MAD1L1: variants seen among roughly 807,000 people sequenced by gnomAD.
MAD1L1 encodes mitotic spindle assembly checkpoint protein MAD1.
A neutral mutation model predicts 96.9 loss-of-function variants in MAD1L1; 95 were observed. The observed-to-expected ratio is 0.98, with a 90% CI of 0.83 to 1.16. MAD1L1 has a LOEUF of 1.16. Ranked by LOEUF, MAD1L1 falls within the 50% of genes most tolerant of loss-of-function variation. MAD1L1 has a pLI of 0.00. For missense variants in MAD1L1, 1,007 were observed against 954.4 expected (o/e 1.06, Z -0.73); for synonymous variants, 473 against 396.6 (o/e 1.19, Z -2.29).
chr7:1,962,277 C>G (rs1779986542), intron 15 of MAD1L1, among the ~76,000 whole-genome samples: 1 of 152,234 alleles, frequency 6.6e-6, no homozygotes, highest in South Asian at 2.1e-4. Context: ...TTGTCTGCCA[C>G]CATGTAAGAT....
rs535530384 is a variant in MAD1L1, at chr7:1,962,642, A to C, written c.1506-4923T>G. 3.3e-5 allele frequency among the ~76,000 whole-genome samples: 5 copies of C among 152,348 alleles called. No individual in the cohort carries two copies. In the South Asian group the frequency reaches 1.0e-3, roughly 32 times the overall value. On this transcript the variant is annotated intron_variant, in intron 15 of 18. Transcript: ENST00000265854. ...TAATCAAATTTTAAAATGGACAAAA[A>C]AACAGGTGCTTTACCAAAGAAGATC... is the stretch of plus-strand genomic sequence containing the variant.
rs745513458 is a variant in MAD1L1 at position 2,069,381 on chromosome 7, T to C, written c.1074-43A>G. On this transcript the variant is annotated intron_variant, in intron 11 of 18. Transcript: ENST00000265854. Reference sequence around the variant, plus strand: ...GAGGGCAAAGCAATGAAGCCTGGGGTGACCACCCCACCAAGCCCCGCCCCA... The same window carrying C: ...GAGGGCAAAGCAATGAAGCCTGGGGCGACCACCCCACCAAGCCCCGCCCCA... 5 of 1,495,116 alleles carry C rather than the reference T, an allele frequency of 3.3e-6. No individual in the cohort carries two copies. In the East Asian group the frequency reaches 9.8e-5, roughly 29 times the overall value. The allele number at this position is 1,495,116 out of a possible 1,614,324, so 92.6% of individuals were successfully genotyped here. A position where few individuals can be genotyped will look rare whatever the true frequency, so the allele number is the denominator to read the frequency against.
At chr7:1,909,983 C>T (rs1787914400) in intron 17 of MAD1L1, among the ~76,000 whole-genome samples, 1 of 152,204 alleles carries the variant, frequency 6.6e-6, no homozygotes, top group South Asian at 2.1e-4. Flanking sequence ...CAGGGCACCT[C>T]TTGTGTGATT....
At chr7:2,098,851 C>T (rs1786634773) in intron 11 of MAD1L1, among the ~76,000 whole-genome samples, 1 of 152,198 alleles carries the variant, frequency 6.6e-6, no homozygotes, top group Non-Finnish European at 1.5e-5. Context: ...AATGGAGGAA[C>T]AGAAGGAAAG....
intron 12 of MAD1L1, among the ~76,000 whole-genome samples, chr7:2,027,838 C>T (rs1326098903): frequency 1.3e-5 from 2 of 152,186 alleles, no homozygotes; most frequent in African/African-American, 4.8e-5. Context: ...CTGTCCAAAG[C>T]AGCACTGGCT....
At chr7:2,200,987 G>A (rs1792263162) in intron 10 of MAD1L1, among the ~76,000 whole-genome samples, 1 of 152,156 alleles carries the variant, frequency 6.6e-6, no homozygotes, top group Non-Finnish European at 1.5e-5. Flanking sequence ...CGCAGGGTAG[G>A]TGGAGGGCGG....
chr7:2,161,172 T>A (rs1790098111), intron 10 of MAD1L1, among the ~76,000 whole-genome samples: 1 of 123,870 alleles, frequency 8.1e-6, no homozygotes, highest in South Asian at 2.9e-4. Flanking sequence ...GGCTGGACTG[T>A]ACTGCCGCCA....
In MAD1L1 at chr7:2,225,496, GCTCCA is replaced by G; in HGVS notation, c.200_204del (p.Val67AlafsTer31). The stretch of plus-strand genomic sequence containing the variant: ...CTCAGCTCCATCTGCATTTTCTCCC[GCTCCA>G]CCTGGATGAGGTGGGACTTCGAACG... On this transcript the variant is annotated frameshift_variant, in exon 4 of 19. Transcript: ENST00000265854. LOFTEE classifies it high-confidence loss of function. The G allele has an allele frequency of 6.2e-7, 1 of 1,614,034 alleles. No homozygotes were observed. The highest frequency in any genetic ancestry group is 8.5e-7 in the Non-Finnish European group (1 of 1,180,008).
intron 10 of MAD1L1, among the ~76,000 whole-genome samples, chr7:2,200,092 C>A (rs566804200): frequency 6.6e-6 from 1 of 152,254 alleles, no homozygotes; most frequent in Non-Finnish European, 1.5e-5. Flanking sequence ...TCCTCCACCC[C>A]TCCCGGGGCG....
At chr7:2,147,615 C>G (rs1394495814) in intron 11 of MAD1L1, among the ~76,000 whole-genome samples, 1 of 152,198 alleles carries the variant, frequency 6.6e-6, no homozygotes, top group Non-Finnish European at 1.5e-5. Flanking sequence ...ATGGGATGCC[C>G]CAAGACTCAC....
chr7:2,151,396 A>G (rs1388501282), intron 10 of MAD1L1, among the ~76,000 whole-genome samples: 2 of 152,204 alleles, frequency 1.3e-5, no homozygotes, highest in African/African-American at 4.8e-5. Context: ...CACACCCCTC[A>G]GGGACCTCAC....
At chr7:1,945,357 C>T (rs565410744) in intron 16 of MAD1L1, among the ~76,000 whole-genome samples, 35 of 152,348 alleles carry the variant, frequency 2.3e-4, no homozygotes, top group Non-Finnish European at 4.3e-4. Context: ...TGAATGAATG[C>T]ATGATGATGA....
rs372887544 is a variant in MAD1L1, at chr7:1,903,799, A to G, written c.1808-5409T>C. On this transcript the variant is annotated intron_variant, in intron 17 of 18. Coordinates refer to ENST00000265854, the MANE Select transcript of MAD1L1 (RefSeq NM_001013836.2). The stretch of plus-strand genomic sequence containing the variant: ...AAGCACTGTTCCAGGCAGTGAGGAC[A>G]CAGTGGCCTATGAAAGATGCTCTTG... Among the ~76,000 whole-genome samples, 161 of 122,030 alleles carry G rather than the reference A, an allele frequency of 1.3e-3. 3 individuals are homozygous for G. Among genetic ancestry groups the G allele is most frequent in the Non-Finnish European group, 1.8e-3 (108 of 60,528 alleles). The allele number at this position is 122,030 out of a possible 152,430, so 80.1% of individuals were successfully genotyped here. A position where few individuals can be genotyped will look rare whatever the true frequency, so the allele number is the denominator to read the frequency against.
At chr7:1,837,774 G>A (rs1376915971) in intron 18 of MAD1L1, among the ~76,000 whole-genome samples, 1 of 152,270 alleles carries the variant, frequency 6.6e-6, no homozygotes, top group Non-Finnish European at 1.5e-5. Context: ...GTGGCTGCCT[G>A]GGGTCGGGTT....
intron 5 of MAD1L1, among the ~76,000 whole-genome samples, chr7:2,221,278 C>T (rs1364524860): frequency 1.3e-5 from 2 of 152,202 alleles, no homozygotes; most frequent in Non-Finnish European, 2.9e-5. Flanking sequence ...GGGACAGCCC[C>T]CGGCCCAACT....
Position 1,898,296 on chromosome 7 carries a change from G to A in MAD1L1, c.1902C>T (p.Tyr634=). The change falls in exon 18 of 19, where the codon TAC becomes TAT. Residue 634 remains tyrosine, a synonymous_variant. Transcript: ENST00000265854. ...TKIQEFRKAC[Y]TLTGYQIDIT... ...TGTCGATCTGGTAGCCGGTGAGCGT[G>A]TAGCAGGCCTTGCGGAACTCCTGGA... is the stretch of plus-strand genomic sequence containing the variant. 10 of 1,614,110 alleles carry A rather than the reference G, an allele frequency of 6.2e-6. No homozygotes were observed. The highest frequency in any genetic ancestry group is 7.6e-6 in the Non-Finnish European group (9 of 1,180,004).
At position 2,119,124 on chromosome 7, in the gene MAD1L1, A is replaced by C. The variant is rs915842886; in HGVS notation, c.1073+30028T>G. ...TGACTGCTGCCCGGTGCTCTTGGTG[A>C]AGCCGTGTTTCCACAAAGCAAGAAG... On this transcript the variant is annotated intron_variant, in intron 11 of 18. Transcript: ENST00000265854. This position sits in a 1 kb window ranked among gnomAD's most constrained non-coding sequence, Gnocchi z 4.6. Among the ~76,000 whole-genome samples the C allele has an allele frequency of 3.3e-5, 5 of 151,800 alleles. No individual in the cohort carries two copies. Among genetic ancestry groups the C allele is most frequent in the African/African-American group, 1.2e-4 (5 of 41,306 alleles).
intron 15 of MAD1L1, among the ~76,000 whole-genome samples, chr7:1,962,993 T>C (rs965195818): frequency 2.0e-5 from 3 of 152,136 alleles, no homozygotes; most frequent in African/African-American, 4.8e-5. Flanking sequence ...GGAAAAAGAC[T>C]GTGCTGCATG....
At chr7:1,951,187 AAAC>A (rs1410921701) in intron 16 of MAD1L1, among the ~76,000 whole-genome samples, 6 of 152,268 alleles carry the variant, frequency 3.9e-5, no homozygotes, top group African/African-American at 1.4e-4. Context: ...TACAGGGCAC[AAAC>A]AACAGCCAGC....
Sources: gnomAD v4.1 joint callset for allele counts (sites outside exome capture counted in the v4.1 genomes callset) on GRCh38, gnomAD v4.1.1 for gene constraint, Gnocchi (gnomAD v3.1) non-coding constraint, MANE v1.5 for transcripts, NCBI Gene and HGNC (gene_info 2026-07-23, HGNC 2026-07-21) for gene names.